NCBP1: variants seen among roughly 807,000 people sequenced by gnomAD.
The protein encoded by NCBP1 is nuclear cap-binding protein subunit 1.
A neutral mutation model predicts 111.7 loss-of-function variants in NCBP1; 16 were observed. The ratio of observed to expected loss-of-function variants is 0.14; its 90% CI spans 0.10 to 0.22. The LOEUF (loss-of-function observed/expected upper bound fraction) is 0.22, where lower values mean the gene tolerates loss of function less well. Ranked by LOEUF, NCBP1 falls within the 10% of genes least tolerant of loss-of-function variation. The pLI is 1.00. For synonymous variants in NCBP1, 304 were observed against 314.3 expected (o/e 0.97, Z 0.35); for missense variants, 607 against 957.5 (o/e 0.63, Z 4.83).
Position 97,662,136 on chromosome 9 carries a change from T to C in NCBP1, c.1695T>C (p.Ala565=), listed in dbSNP as rs1188241885. The C allele has an allele frequency of 6.2e-7, 1 of 1,611,612 alleles. No individual in the cohort carries two copies. Among genetic ancestry groups the C allele is most frequent in the Non-Finnish European group, 8.5e-7 (1 of 1,177,710 alleles). ...AAKSFSHSFS[A]LAKFHEVFKT... ...AATCATTCAGCCACTCCTTCAGTGC[T>C]CTTGCAAAGTATGTATGAGTACAGA... is the stretch of plus-strand genomic sequence containing the variant. Residue 565 remains alanine, a synonymous_variant, in exon 17 of 23, where the codon GCT becomes GCC. Transcript: ENST00000375147.
intron 3 of NCBP1, among the ~76,000 whole-genome samples, chr9:97,642,068 T>C (rs1184879645): frequency 6.6e-6 from 1 of 152,104 alleles, no homozygotes; most frequent in Non-Finnish European, 1.5e-5. Flanking sequence ...AAGCCACTGT[T>C]AATAGGCATA....
At chr9:97,659,531 G>T (rs1348030185) in intron 15 of NCBP1, among the ~76,000 whole-genome samples, 2 of 152,180 alleles carry the variant, frequency 1.3e-5, no homozygotes, top group African/African-American at 4.8e-5. Context: ...GAATAGATAT[G>T]ATTATCAAAA....
At chr9:97,660,362 T>C (rs1827796777) in intron 15 of NCBP1, among the ~76,000 whole-genome samples, 1 of 152,214 alleles carries the variant, frequency 6.6e-6, no homozygotes, top group Non-Finnish European at 1.5e-5. Flanking sequence ...TAATAAGGAC[T>C]CAACTGATAC....
chr9:97,647,621 C>CT, intron 7 of NCBP1, 60 bp downstream of exon 7: 1 of 1,361,148 alleles, frequency 7.3e-7, no homozygotes, highest in Non-Finnish European at 1.0e-6. Flanking sequence ...AGATTCTTAT[C>CT]TCTGTAAGAT....
In NCBP1 at chr9:97,672,427, G is replaced by C. The variant is rs1291826560; in HGVS notation, c.*1228G>C. 1 of 152,048 alleles carries C rather than the reference G, an allele frequency of 6.6e-6. No individual in the cohort carries two copies. The highest frequency in any genetic ancestry group is 1.9e-4 in the East Asian group (1 of 5,196). 9.4% of individuals were successfully genotyped at this position (152,048 alleles called of 1,614,324 possible). A position where few individuals can be genotyped will look rare whatever the true frequency, so the allele number is the denominator to read the frequency against. ...ACAGAATGTAGTCTGCTTAATAAATGGGAATTCCTAGAATGTTTAAATACC... is the reference window on the plus strand; with the variant it reads ...ACAGAATGTAGTCTGCTTAATAAATCGGAATTCCTAGAATGTTTAAATACC... On this transcript the variant is annotated 3_prime_UTR_variant, in exon 23 of 23. Coordinates refer to ENST00000375147, the MANE Select transcript of NCBP1 (RefSeq NM_002486.5).
chr9:97,651,396 G>C, intron 10 of NCBP1, 23 bp downstream of exon 10: 1 of 1,602,712 alleles, frequency 6.2e-7, no homozygotes, highest in Non-Finnish European at 8.5e-7. Context: ...TGTGGAGCGT[G>C]TTTCTGAGTT....
intron 10 of NCBP1, 44 bp from the exon 11 acceptor site, chr9:97,653,754 A>G (rs749039477): frequency 8.2e-6 from 12 of 1,457,560 alleles, no homozygotes; most frequent in Admixed American, 6.8e-5. Flanking sequence ...TAGAAGTGCA[A>G]AGATAGCAGT....
At chr9:97,651,645 G>A (rs1295146122) in intron 10 of NCBP1, among the ~76,000 whole-genome samples, 2 of 152,136 alleles carry the variant, frequency 1.3e-5, no homozygotes, top group African/African-American at 4.8e-5. Flanking sequence ...GATAGTTGTT[G>A]TGGATAATGT....
chr9:97,671,006 T>G (rs1300329159), intron 22 of NCBP1, 80 bp from the exon 23 acceptor site: 1 of 850,154 alleles, frequency 1.2e-6, no homozygotes, highest in Non-Finnish European at 1.9e-6. Flanking sequence ...GCAGCATGGG[T>G]GGGCTGCTGA....
At chr9:97,649,104 GATT>G (rs1827429187) in intron 8 of NCBP1, among the ~76,000 whole-genome samples, 2 of 152,138 alleles carry the variant, frequency 1.3e-5, no homozygotes, top group Admixed American at 1.3e-4. Flanking sequence ...CATATTGTAT[GATT>G]ATTTGAAAAC....
Position 97,671,441 on chromosome 9 carries a change from CTG to C in NCBP1, c.*245_*246del, listed in dbSNP as rs1029912609. The C allele has an allele frequency of 1.2e-4, 47 of 394,886 alleles. No individual in the cohort carries two copies. The highest frequency in any genetic ancestry group is 9.6e-4 in the African/African-American group (46 of 47,896). 24.5% of individuals were successfully genotyped at this position (394,886 alleles called of 1,614,324 possible). Reference sequence around the variant, plus strand: ...TATATATGTGACAGATACAAATTCTCTGTGATCAGTTTGTTATTTTTTTTCTC... The same window carrying C: ...TATATATGTGACAGATACAAATTCTCTGATCAGTTTGTTATTTTTTTTCTC... On this transcript the variant is annotated 3_prime_UTR_variant, in exon 23 of 23. Transcript: ENST00000375147.
At chr9:97,658,048 T>C (rs1308678434) in intron 14 of NCBP1, among the ~76,000 whole-genome samples, 1 of 151,848 alleles carries the variant, frequency 6.6e-6, no homozygotes, top group Non-Finnish European at 1.5e-5. Flanking sequence ...TATTTATTCA[T>C]GGAGCCCTAG....
Position 97,662,943 on chromosome 9 carries a change from A to T in NCBP1, c.1704-11A>T. ...GTATATATGGTATTTTTTTCCCATCATTATCAAAAGGTTTCATGAAGTCTT... is the reference window on the plus strand; with the variant it reads ...GTATATATGGTATTTTTTTCCCATCTTTATCAAAAGGTTTCATGAAGTCTT... On this transcript the variant is annotated splice_polypyrimidine_tract_variant and intron_variant, in intron 17 of 22. Coordinates refer to ENST00000375147, the MANE Select transcript of NCBP1 (RefSeq NM_002486.5). The T allele has an allele frequency of 6.3e-7, 1 of 1,591,496 alleles. No homozygotes were observed. The highest frequency in any genetic ancestry group is 8.6e-7 in the Non-Finnish European group (1 of 1,167,018).
chr9:97,664,306 T>C, intron 18 of NCBP1, 34 bp from the exon 19 acceptor site: 1 of 1,309,824 alleles, frequency 7.6e-7, no homozygotes, highest in Non-Finnish European at 1.1e-6. Flanking sequence ...TGTATGTGTG[T>C]GTGTGATTTA....
chr9:97,645,660 T>C lies in NCBP1; in HGVS notation c.539T>C (p.Val180Ala). ...VYAFLSSLPW[V>A]GKELYEKKDA... ...GCATTTCTGTCATCTTTGCCCTGGG[T>C]TGGAAAGGAGTTGTACGAAAAGAAA... Residue 180 changes from valine to alanine, a missense_variant, in exon 6 of 23, where the codon GTT becomes GCT. By Grantham distance (64) the Val-to-Ala change is moderately conservative (BLOSUM62 0). This residue lies in a region of NCBP1 where 185 missense variants were observed against 272.0 expected (regional missense o/e 0.68). Coordinates refer to ENST00000375147, the MANE Select transcript of NCBP1 (RefSeq NM_002486.5). 6.2e-7 allele frequency: 1 copy of C among 1,614,086 alleles called. No homozygotes were observed. The highest frequency in any genetic ancestry group is 1.1e-5 in the South Asian group (1 of 91,078).
chr9:97,648,372 C>A, intron 8 of NCBP1, 149 bp downstream of exon 8: 1 of 666,970 alleles, frequency 1.5e-6, no homozygotes, highest in Non-Finnish European at 2.5e-6. Context: ...CTTTTTAATT[C>A]AGTGAATGAT....
intron 21 of NCBP1, 80 bp from the exon 22 acceptor site, chr9:97,669,513 G>T: frequency 1.1e-6 from 1 of 901,992 alleles, no homozygotes; most frequent in South Asian, 1.4e-5. Context: ...GCAATACTTT[G>T]GGGTTTCTTT....
At chr9:97,666,480 A>G (rs1458786488) in intron 19 of NCBP1, among the ~76,000 whole-genome samples, 3 of 152,210 alleles carry the variant, frequency 2.0e-5, no homozygotes, top group Admixed American at 6.5e-5. Flanking sequence ...TGCCATTTCA[A>G]TTCAGTAAGT....
At chr9:97,641,813 C>G (rs937669681) in intron 3 of NCBP1, 151 bp downstream of exon 3, 2 of 796,602 alleles carry the variant, frequency 2.5e-6, no homozygotes, top group Non-Finnish European at 3.4e-6. Flanking sequence ...ACCTTTGGCG[C>G]TTTGGCGAAC....
Sources: allele counts gnomAD v4.1 joint callset (sites outside exome capture counted in the v4.1 genomes callset), GRCh38; gene constraint gnomAD v4.1.1; regional missense constraint gnomAD v4.1.1; transcripts MANE v1.5; gene names NCBI Gene and HGNC (gene_info 2026-07-23, HGNC 2026-07-21).